TTLL11: variants seen among roughly 807,000 people sequenced by gnomAD.
TTLL11 encodes tubulin polyglutamylase TTLL11.
Under a neutral mutation model 51.7 loss-of-function variants are expected in TTLL11, and 42 were observed. The observed-to-expected ratio is 0.81, with a 90% CI of 0.64 to 1.05. TTLL11 has a LOEUF of 1.05. TTLL11 is among the 50% of genes least tolerant of loss of function. The pLI is 0.00. For missense variants in TTLL11, 799 were observed against 940.4 expected, an observed-to-expected ratio of 0.85 and a Z score of 1.97; for synonymous variants, 381 against 383.5, an observed-to-expected ratio of 0.99 and a Z score of 0.08.
intron 1 of TTLL11, among the ~76,000 whole-genome samples, chr9:122,083,067 T>C (rs1044079161): frequency 7.9e-5 from 12 of 152,112 alleles, no homozygotes; most frequent in African/African-American, 2.9e-4. Context: ...ATATTTATAT[T>C]TATATACAGT....
At position 121,815,955 on chromosome 9, in the gene TTLL11, G is replaced by A. The variant is rs1836394249; in HGVS notation, c.*6632C>T. On this transcript the variant is annotated 3_prime_UTR_variant, in exon 9 of 9. Transcript: ENST00000321582. ...GTGGAGGTGGGCAGACGTATTTCCT[G>A]GCATCCGTCTTGTTTCCGCACGTCG... The A allele has an allele frequency of 1.3e-5, 2 of 152,184 alleles. No individual in the cohort carries two copies. The allele number at this position is 152,184 out of a possible 1,614,324, so 9.4% of individuals were successfully genotyped here.
At chr9:121,868,616 G>C (rs768745995) in intron 7 of TTLL11, among the ~76,000 whole-genome samples, 5 of 152,144 alleles carry the variant, frequency 3.3e-5, no homozygotes, top group Non-Finnish European at 7.3e-5. Context: ...GGAGGGATGA[G>C]CAAAAAGACA....
Position 121,940,097 on chromosome 9 carries a change from C to CA in TTLL11, c.1481+33911dup, listed in dbSNP as rs1217973354. ...GGAACATGACAACCCAGCTCATTCT[C>CA]AGATATTTCAACAATGGCACAGGTC... On this transcript the variant is annotated intron_variant, in intron 6 of 8. Transcript: ENST00000321582. Among the ~76,000 whole-genome samples the CA allele has an allele frequency of 3.3e-5, 5 of 152,318 alleles. No individual in the cohort carries two copies. The East Asian group carries it at 9.6e-4, about 29-fold the overall frequency.
Position 122,045,858 on chromosome 9 carries a change from G to A in TTLL11, c.463-6490C>T, listed in dbSNP as rs551530330. Among the ~76,000 whole-genome samples the A allele has an allele frequency of 2.6e-5, 4 of 152,256 alleles. No homozygotes were observed. In the South Asian group the frequency reaches 6.2e-4, roughly 24 times the overall value. ...ACCTAGAGTAGTCAAATTCATAGAG[G>A]CAGAAAGTAGGATGGTGGTTGCCAG... On this transcript the variant is annotated intron_variant, in intron 1 of 8. Coordinates refer to ENST00000321582, the MANE Select transcript of TTLL11 (RefSeq NM_001139442.2).
intron 8 of TTLL11, among the ~76,000 whole-genome samples, chr9:121,834,630 C>A (rs1344550276): frequency 6.6e-6 from 1 of 152,040 alleles, no homozygotes; most frequent in South Asian, 2.1e-4. Context: ...AGTTCGAGAC[C>A]AGTCTGGCCA....
rs778304192 is a variant in TTLL11 at position 121,989,430 on chromosome 9, T to C, written c.1034A>G (p.Tyr345Cys). ...GTTGCCGCTGTGGATGTTCAGTGAA[T>C]AGTTGGTTAAGTGCATAAAGATGCG... is the stretch of plus-strand genomic sequence containing the variant. ...LHRIFMHLTNYSLNIHSGNFI... is the reference protein window; with the variant it reads ...LHRIFMHLTNCSLNIHSGNFI... Residue 345 changes from tyrosine (Y) to cysteine (C), a missense_variant, in exon 4 of 9, where the codon TAT (tyrosine) becomes TGT (cysteine). Physicochemically the swap from Tyr to Cys is radical, Grantham distance 194. Coordinates refer to ENST00000321582, the MANE Select transcript of TTLL11 (RefSeq NM_001139442.2). This position sits in a 1 kb window ranked among gnomAD's most constrained non-coding sequence, Gnocchi z 4.2. The C allele has an allele frequency of 6.2e-7, 1 of 1,614,102 alleles. No homozygotes were observed. The highest frequency in any genetic ancestry group is 1.1e-5 in the South Asian group (1 of 91,070).
chr9:121,824,537 C>T (rs1836690638), intron 8 of TTLL11, among the ~76,000 whole-genome samples: 1 of 151,944 alleles, frequency 6.6e-6, no homozygotes, highest in Non-Finnish European at 1.5e-5. Flanking sequence ...AGTAACCTCC[C>T]TAAGGCCACA....
intron 6 of TTLL11, among the ~76,000 whole-genome samples, chr9:121,954,798 C>A (rs1442753538): frequency 6.6e-6 from 1 of 152,152 alleles, no homozygotes; most frequent in Admixed American, 6.5e-5. Flanking sequence ...AAACAACTGG[C>A]AAAATTTGCA....
At position 121,842,259 on chromosome 9, in the gene TTLL11, A is replaced by ATTTT. The variant is rs1427793063; in HGVS notation, c.1840+18077_1840+18078insAAAA. ...TTAGGGCTCCCTCTCCTTTTTTTTAAAAAAAAAAGACACGTGGTCTCTCTC... is the reference window on the plus strand; with the variant it reads ...TTAGGGCTCCCTCTCCTTTTTTTTAATTTTAAAAAAAAGACACGTGGTCTCTCTC... On this transcript the variant is annotated intron_variant, in intron 8 of 8. Coordinates refer to ENST00000321582, the MANE Select transcript of TTLL11 (RefSeq NM_001139442.2). 3.8e-3 allele frequency among the ~76,000 whole-genome samples: 551 copies of ATTTT among 146,168 alleles called. 1 individual carries two copies. Among genetic ancestry groups the ATTTT allele is most frequent in the African/African-American group, 0.013 (504 of 38,236 alleles).
At chr9:121,873,551 A>G (rs991968706) in intron 6 of TTLL11, among the ~76,000 whole-genome samples, 1 of 151,452 alleles carries the variant, frequency 6.6e-6, no homozygotes, top group Admixed American at 6.6e-5. Context: ...ACCTCAAGCA[A>G]TCCACCTGCC....
In TTLL11 at chr9:121,989,196, T is replaced by C; in HGVS notation, c.1268A>G (p.Gln423Arg). ...PTGRPGPTCFQILGFDILLMK... is the reference protein window; with the variant it reads ...PTGRPGPTCFRILGFDILLMK... ...AGGCTGGGAACTGGCAATGGTTACC[T>C]GGAAGCACGTGGGGCCCGGCCTCCC... The change falls in exon 4 of 9, where the codon CAG (glutamine) becomes CGG (arginine). Residue 423 changes from glutamine to arginine, a missense_variant and splice_region_variant. Transcript: ENST00000321582. The surrounding 1 kb of genome is among the most constrained non-coding windows in gnomAD (Gnocchi z 4.2). 1 of 1,613,492 alleles carries C rather than the reference T, an allele frequency of 6.2e-7. No homozygotes were observed. Among genetic ancestry groups the C allele is most frequent in the Non-Finnish European group, 8.5e-7 (1 of 1,179,540 alleles).
intron 8 of TTLL11, among the ~76,000 whole-genome samples, chr9:121,824,478 CAAA>C (rs35905457): frequency 4.5e-5 from 5 of 110,408 alleles, no homozygotes; most frequent in Admixed American, 1.0e-4. Flanking sequence ...GACTCCATCT[CAAA>C]AAAAAAAAAA....
At position 122,066,019 on chromosome 9, in the gene TTLL11, G is replaced by A. The variant is rs893212557; in HGVS notation, c.463-26651C>T. Among the ~76,000 whole-genome samples, 6 of 152,216 alleles carry A rather than the reference G, an allele frequency of 3.9e-5. No individual in the cohort carries two copies. In the South Asian group the frequency reaches 6.2e-4, roughly 16 times the overall value. On this transcript the variant is annotated intron_variant, in intron 1 of 8. Coordinates refer to ENST00000321582, the MANE Select transcript of TTLL11 (RefSeq NM_001139442.2). ...TACAGTTTGGTTCTCTGGGTAGGAC[G>A]TTCTTAAATGGGGGTGGAGTAGAAG...
intron 6 of TTLL11, among the ~76,000 whole-genome samples, chr9:121,871,717 G>A (rs781428436): frequency 3.9e-5 from 6 of 152,114 alleles, no homozygotes; most frequent in Non-Finnish European, 8.8e-5. Flanking sequence ...GGCCCTTCCC[G>A]AGTTCTTCCC....
At chr9:121,864,706 CTGTTTTTGTTTT>C (rs901922580) in intron 7 of TTLL11, among the ~76,000 whole-genome samples, 5 of 152,164 alleles carry the variant, frequency 3.3e-5, no homozygotes, top group African/African-American at 9.7e-5. Flanking sequence ...AAGAAATAGT[CTGTTTTTGTTTT>C]TGTTTTTGTT....
intron 5 of TTLL11, among the ~76,000 whole-genome samples, 200 bp downstream of exon 5, chr9:121,974,684 G>GGGAA (rs1476210892): frequency 6.6e-6 from 1 of 152,184 alleles, no homozygotes; most frequent in Admixed American, 6.5e-5. Flanking sequence ...ACAGCATGCT[G>GGGAA]GGAAGTGACC....
intron 6 of TTLL11, among the ~76,000 whole-genome samples, chr9:121,922,597 A>G (rs1429460642): frequency 6.6e-6 from 1 of 152,126 alleles, no homozygotes; most frequent in Non-Finnish European, 1.5e-5. Flanking sequence ...GGTAAAATGG[A>G]TTTTTTTCTC....
At chr9:121,888,024 C>T (rs1588096654) in intron 6 of TTLL11, among the ~76,000 whole-genome samples, 3 of 152,298 alleles carry the variant, frequency 2.0e-5, no homozygotes, top group African/African-American at 7.2e-5. Flanking sequence ...ACCCTCTTTG[C>T]TCACCCGGGT....
intron 8 of TTLL11, among the ~76,000 whole-genome samples, chr9:121,848,476 A>G (rs560533963): frequency 7.2e-5 from 11 of 152,328 alleles, no homozygotes; most frequent in Admixed American, 5.9e-4. Context: ...TTCTGTGTTC[A>G]GTGGATTGTC....
Sources: allele counts gnomAD v4.1 joint callset (sites outside exome capture counted in the v4.1 genomes callset), GRCh38; gene constraint gnomAD v4.1.1; non-coding constraint Gnocchi (gnomAD v3.1); transcripts MANE v1.5; gene names NCBI Gene and HGNC (gene_info 2026-07-23, HGNC 2026-07-21).